MCUB: variants seen among roughly 807,000 people sequenced by gnomAD.
MCUB encodes calcium uniporter regulatory subunit MCUb, mitochondrial.
In MCUB, 46 loss-of-function variants were observed where a neutral mutation model predicts 41.4. That is an observed-to-expected ratio of 1.11 (90% CI 0.88 to 1.42). The LOEUF is 1.42. MCUB is among the 40% of genes most tolerant of loss of function. MCUB has a pLI of 0.00. For synonymous variants in MCUB, 148 were observed against 148.2 expected, an observed-to-expected ratio of 1.00 and a Z score of 0.01; for missense variants, 403 against 404.9, an observed-to-expected ratio of 1.00 and a Z score of 0.04.
chr4:109,560,413 T>C lies in MCUB; in HGVS notation c.76T>C (p.Trp26Arg). 7.7e-7 allele frequency: 1 copy of C among 1,306,934 alleles called. No homozygotes were observed. The highest frequency in any genetic ancestry group is 9.7e-7 in the Non-Finnish European group (1 of 1,028,654). The allele number at this position is 1,306,934 out of a possible 1,614,324, so 81.0% of individuals were successfully genotyped here. Residue 26 changes from tryptophan (W) to arginine (R), a missense_variant, in exon 1 of 8, where the codon TGG becomes CGG. Coordinates refer to ENST00000394650, the MANE Select transcript of MCUB (RefSeq NM_017918.5). The stretch of plus-strand genomic sequence containing the variant: ...TGGCACCTGGCGCCCAGCGCGCCCG[T>C]GGCCGCTGCCGCCTCCGCCCCAGGT... Reference protein sequence around the residue: ...TPGTWRPARPWPLPPPPQVLR... With the variant: ...TPGTWRPARPRPLPPPPQVLR...
intron 1 of MCUB, among the ~76,000 whole-genome samples, chr4:109,601,670 C>G (rs559504377): frequency 5.9e-5 from 9 of 152,106 alleles, no homozygotes; most frequent in Admixed American, 3.3e-4. Context: ...CAAATCTTGG[C>G]TATTGTGAAC....
At chr4:109,676,344 G>T (rs1279042797) in intron 4 of MCUB, among the ~76,000 whole-genome samples, 1 of 152,154 alleles carries the variant, frequency 6.6e-6, no homozygotes, top group East Asian at 1.9e-4. Context: ...TTTGAGACCA[G>T]TGTGGCCAAC....
intron 1 of MCUB, among the ~76,000 whole-genome samples, chr4:109,639,636 G>C (rs1011494521): frequency 6.6e-6 from 1 of 152,134 alleles, no homozygotes; most frequent in East Asian, 1.9e-4. Flanking sequence ...GCAGGGAGCC[G>C]AGATCATGCC....
intron 4 of MCUB, among the ~76,000 whole-genome samples, chr4:109,670,697 C>T (rs1391737734): frequency 2.0e-5 from 3 of 150,600 alleles, no homozygotes; most frequent in South Asian, 4.2e-4. Context: ...GCCTGGGCAA[C>T]AGAGCGAGGA....
chr4:109,670,166 T>C (rs912990314), intron 4 of MCUB, among the ~76,000 whole-genome samples: 1 of 152,168 alleles, frequency 6.6e-6, no homozygotes, highest in Admixed American at 6.5e-5. Context: ...AAGTAAGGTA[T>C]GGAGGGGAAG....
At chr4:109,627,591 G>A (rs1024087502) in intron 1 of MCUB, among the ~76,000 whole-genome samples, 1 of 152,188 alleles carries the variant, frequency 6.6e-6, no homozygotes, top group African/African-American at 2.4e-5. Flanking sequence ...TGGTGCTGCA[G>A]ATAAAGTTGA....
At chr4:109,670,561 C>CA (rs1378830089) in intron 4 of MCUB, among the ~76,000 whole-genome samples, 1 of 151,758 alleles carries the variant, frequency 6.6e-6, no homozygotes, top group African/African-American at 2.4e-5. Flanking sequence ...ACTAAAAATA[C>CA]AAAAATTAGC....
At chr4:109,604,749 T>C (rs1393064921) in intron 1 of MCUB, among the ~76,000 whole-genome samples, 1 of 152,226 alleles carries the variant, frequency 6.6e-6, no homozygotes, top group Non-Finnish European at 1.5e-5. Flanking sequence ...TATCAAGTGC[T>C]TTTTCAGCAT....
intron 4 of MCUB, among the ~76,000 whole-genome samples, chr4:109,665,444 T>A (rs575693602): frequency 2.0e-5 from 3 of 152,304 alleles, no homozygotes; most frequent in Admixed American, 6.5e-5. Flanking sequence ...TTCAAGAACC[T>A]GTCTATGACA....
chr4:109,600,712 T>G (rs1403100758), intron 1 of MCUB, among the ~76,000 whole-genome samples: 1 of 152,118 alleles, frequency 6.6e-6, no homozygotes, highest in Non-Finnish European at 1.5e-5. Context: ...GAGAACAAGA[T>G]TTAGTTAGGT....
intron 7 of MCUB, 58 bp downstream of exon 7, chr4:109,685,425 G>C (rs1005383921): frequency 1.4e-6 from 1 of 736,676 alleles, no homozygotes; most frequent in African/African-American, 1.7e-5. Flanking sequence ...TTAGTATCAG[G>C]GAAGTATAAC....
intron 1 of MCUB, among the ~76,000 whole-genome samples, chr4:109,650,066 G>C (rs1026985706): frequency 8.5e-5 from 13 of 152,128 alleles, no homozygotes; most frequent in Non-Finnish European, 1.3e-4. Flanking sequence ...CCCTATCAAG[G>C]GGGGAATGGT....
At chr4:109,598,199 C>T (rs197222) in intron 1 of MCUB, among the ~76,000 whole-genome samples, 33,289 of 145,486 alleles carry the variant, frequency 0.23, 4,387 homozygotes, top group South Asian at 0.32. Flanking sequence ...GGGTGGCGGC[C>T]GGGCAGAGGA....
At chr4:109,665,039 G>A (rs974216371) in intron 4 of MCUB, among the ~76,000 whole-genome samples, 6 of 152,096 alleles carry the variant, frequency 3.9e-5, no homozygotes, top group African/African-American at 9.6e-5. Flanking sequence ...TGCACCCCAC[G>A]CCCCTTATTG....
At chr4:109,685,511 A>T (rs1337431370) in intron 7 of MCUB, 144 bp downstream of exon 7, 3 of 474,590 alleles carry the variant, frequency 6.3e-6, no homozygotes, top group African/African-American at 5.8e-5. Context: ...GAAATGGTTG[A>T]CATATTTCAT....
intron 1 of MCUB, among the ~76,000 whole-genome samples, chr4:109,567,702 T>A (rs1291544956): frequency 4.0e-5 from 6 of 151,470 alleles, no homozygotes; most frequent in African/African-American, 1.2e-4. Context: ...AGGGGCTTTT[T>A]ATTTTATTTA....
At chr4:109,607,933 C>T (rs749045008) in intron 1 of MCUB, among the ~76,000 whole-genome samples, 3 of 152,084 alleles carry the variant, frequency 2.0e-5, no homozygotes, top group Non-Finnish European at 4.4e-5. Context: ...GTTACCTTTT[C>T]CTAGGTTTGG....
intron 1 of MCUB, among the ~76,000 whole-genome samples, chr4:109,621,464 G>A (rs571995779): frequency 1.3e-5 from 2 of 152,226 alleles, no homozygotes; most frequent in South Asian, 4.2e-4. Context: ...AAAAAAAAAG[G>A]ATTATCCTAA....
chr4:109,674,814 T>C (rs1729536714), intron 4 of MCUB, among the ~76,000 whole-genome samples: 1 of 152,270 alleles, frequency 6.6e-6, no homozygotes, highest in Non-Finnish European at 1.5e-5. Context: ...TAGAAATATG[T>C]ATTTTAAGCA....
Sources: gnomAD v4.1 joint callset for allele counts (sites outside exome capture counted in the v4.1 genomes callset) on GRCh38, gnomAD v4.1.1 for gene constraint, MANE v1.5 for transcripts, NCBI Gene and HGNC (gene_info 2026-07-23, HGNC 2026-07-21) for gene names.